CMTM8: variants seen among roughly 807,000 people sequenced by gnomAD.
CMTM8 encodes the protein CKLF like MARVEL transmembrane domain containing 8.
A neutral mutation model predicts 18.6 loss-of-function variants in CMTM8; 12 were observed. That is an observed-to-expected ratio of 0.65 (90% CI 0.41 to 1.05). The LOEUF is 1.05. Ranked by LOEUF, CMTM8 falls within the 50% of genes least tolerant of loss-of-function variation. The pLI is 0.00. For synonymous variants in CMTM8, 87 were observed against 90.6 expected, an observed-to-expected ratio of 0.96 and a Z score of 0.23; for missense variants, 217 against 227.2, an observed-to-expected ratio of 0.95 and a Z score of 0.29.
chr3:32,268,165 T>G (rs576603053), intron 1 of CMTM8, among the ~76,000 whole-genome samples: 5 of 152,284 alleles, frequency 3.3e-5, no homozygotes, highest in Admixed American at 3.3e-4. Context: ...TGCAGCACTA[T>G]TCACAGTAGC....
rs1262785239 is a variant in CMTM8 at position 32,238,704 on chromosome 3, C to A, written c.-269C>A. On this transcript the variant is annotated 5_prime_UTR_variant, in exon 1 of 4. Transcript: ENST00000307526. The stretch of plus-strand genomic sequence containing the variant: ...GGCCTCCACCGCCTTCCCCGGCTGC[C>A]CGGCAGCCTCCCCTCGCTCGCTCTC... 1 of 186,428 alleles carries A rather than the reference C, an allele frequency of 5.4e-6. No individual in the cohort carries two copies. The highest frequency in any genetic ancestry group is 1.1e-5 in the Non-Finnish European group (1 of 91,536). The allele number at this position is 186,428 out of a possible 1,614,324, so 11.5% of individuals were successfully genotyped here.
Position 32,357,381 on chromosome 3 carries a change from G to A in CMTM8, c.156G>A (p.Gly52=). 1 of 1,613,540 alleles carries A rather than the reference G, an allele frequency of 6.2e-7. No individual in the cohort carries two copies. The highest frequency in any genetic ancestry group is 8.5e-7 in the Non-Finnish European group (1 of 1,179,920). The change falls in exon 2 of 4, where the codon GGG becomes GGA. Residue 52 remains glycine (G), a synonymous_variant. Coordinates refer to ENST00000307526, the MANE Select transcript of CMTM8 (RefSeq NM_178868.5). The part of the protein sequence containing the change: ...GFLIVAEIVL[G]LLVWTLIAGT... ...CTTCTACCACTTTACAGGTTCTGGG[G>A]CTGCTGGTATGGACGCTTATTGCTG...
chr3:32,298,711 C>T (rs1695537359), intron 1 of CMTM8, among the ~76,000 whole-genome samples: 1 of 150,962 alleles, frequency 6.6e-6, no homozygotes, highest in East Asian at 1.9e-4. Context: ...TCTCAGCTCA[C>T]TGCAGCCTTC....
intron 1 of CMTM8, among the ~76,000 whole-genome samples, chr3:32,265,127 C>T (rs577823348): frequency 6.0e-4 from 92 of 152,268 alleles, no homozygotes; most frequent in Middle Eastern, 6.8e-3. Flanking sequence ...CAAAACTCTC[C>T]GCCCCAAATC....
chr3:32,298,916 C>T (rs1400061769), intron 1 of CMTM8, among the ~76,000 whole-genome samples: 20 of 60,840 alleles, frequency 3.3e-4, no homozygotes, highest in Admixed American at 7.6e-4. Flanking sequence ...CACACACATA[C>T]ACACACACAT....
At chr3:32,366,935 C>T (rs180676631) in intron 2 of CMTM8, among the ~76,000 whole-genome samples, 2 of 152,134 alleles carry the variant, frequency 1.3e-5, no homozygotes, top group South Asian at 2.1e-4. Flanking sequence ...GTGGAGGTGG[C>T]GACAGGAACA....
At chr3:32,241,716 T>G (rs541143831) in intron 1 of CMTM8, among the ~76,000 whole-genome samples, 1 of 152,218 alleles carries the variant, frequency 6.6e-6, no homozygotes, top group Non-Finnish European at 1.5e-5. Flanking sequence ...TCAAGGGGCA[T>G]CTGTATAGTC....
chr3:32,259,758 A>G, intron 1 of CMTM8: 1 of 909,674 alleles, frequency 1.1e-6, no homozygotes, highest in Non-Finnish European at 1.8e-6. Context: ...TGGTCTCAGC[A>G]GATTGAGGAG....
chr3:32,284,394 A>G (rs917903806), intron 1 of CMTM8, among the ~76,000 whole-genome samples: 3 of 152,246 alleles, frequency 2.0e-5, no homozygotes, highest in African/African-American at 7.2e-5. Flanking sequence ...GAGGGGAATC[A>G]CATGCAGCTG....
chr3:32,315,125 CTTCTT>C (rs1297734607), intron 1 of CMTM8, among the ~76,000 whole-genome samples: 1 of 143,874 alleles, frequency 7.0e-6, no homozygotes, highest in Non-Finnish European at 1.5e-5. Flanking sequence ...TCTTCTTCTT[CTTCTT>C]TTTTTTTTTT....
intron 1 of CMTM8, among the ~76,000 whole-genome samples, chr3:32,346,270 A>G (rs1315915156): frequency 6.6e-6 from 1 of 152,178 alleles, no homozygotes; most frequent in Non-Finnish European, 1.5e-5. Context: ...ATAACTCCCC[A>G]TGTTTCTCCT....
intron 1 of CMTM8, among the ~76,000 whole-genome samples, chr3:32,314,538 G>A (rs1389045751): frequency 1.3e-5 from 2 of 151,816 alleles, no homozygotes; most frequent in African/African-American, 4.8e-5. Context: ...AAAGTGCAGT[G>A]GCACCATCCC....
chr3:32,293,859 C>G (rs1559371929), intron 1 of CMTM8, among the ~76,000 whole-genome samples: 2 of 152,116 alleles, frequency 1.3e-5, no homozygotes, highest in African/African-American at 4.8e-5. Flanking sequence ...AATAAACAAA[C>G]TGTGCTCTGT....
intron 2 of CMTM8, among the ~76,000 whole-genome samples, chr3:32,365,577 C>A (rs983073536): frequency 6.6e-6 from 1 of 152,134 alleles, no homozygotes; most frequent in African/African-American, 2.4e-5. Context: ...TCCTGAGTAG[C>A]TGGGATTACA....
chr3:32,270,139 C>G lies in CMTM8; in HGVS notation c.147+31020C>G, dbSNP rs146678268. Among the ~76,000 whole-genome samples the G allele has an allele frequency of 4.6e-5, 7 of 152,136 alleles. No individual in the cohort carries two copies. In the East Asian group the frequency reaches 1.3e-3, roughly 29 times the overall value. ...GTCTCACTGTGTTGCCCAGGCTGGT[C>G]TCAAACTCTGGGCCTCAAGCAATCC... On this transcript the variant is annotated intron_variant, in intron 1 of 3. Coordinates refer to ENST00000307526, the MANE Select transcript of CMTM8 (RefSeq NM_178868.5).
chr3:32,284,519 A>AT (rs1338064615), intron 1 of CMTM8, among the ~76,000 whole-genome samples: 4 of 152,104 alleles, frequency 2.6e-5, no homozygotes, highest in Non-Finnish European at 4.4e-5. Context: ...TAGTCATCAC[A>AT]TTGGGTTATC....
intron 1 of CMTM8, among the ~76,000 whole-genome samples, chr3:32,332,081 A>G (rs1189070638): frequency 6.6e-6 from 1 of 152,152 alleles, no homozygotes; most frequent in East Asian, 1.9e-4. Flanking sequence ...AAAAAGGAAA[A>G]AAAAGCAACA....
chr3:32,307,195 C>T (rs1338500942), intron 1 of CMTM8, among the ~76,000 whole-genome samples: 1 of 152,162 alleles, frequency 6.6e-6, no homozygotes, highest in Admixed American at 6.5e-5. Context: ...CAAAAATTAG[C>T]TGGGCATGGT....
chr3:32,308,966 G>A (rs757704786), intron 1 of CMTM8, among the ~76,000 whole-genome samples: 10 of 152,168 alleles, frequency 6.6e-5, no homozygotes, highest in Non-Finnish European at 1.3e-4. Context: ...AAAAGGGATT[G>A]GCCCCTGTCT....
Sources: gnomAD v4.1 joint callset for allele counts (sites outside exome capture counted in the v4.1 genomes callset) on GRCh38, gnomAD v4.1.1 for gene constraint, MANE v1.5 for transcripts, NCBI Gene and HGNC (gene_info 2026-07-23, HGNC 2026-07-21) for gene names.